Variants in EXO1 observed in about 807,000 individuals in gnomAD.
The protein encoded by EXO1 is exonuclease 1.
In EXO1, 69 loss-of-function variants were observed where a neutral mutation model predicts 84.5. That is an observed-to-expected ratio of 0.82 (90% CI 0.67 to 1.00). EXO1 has a LOEUF of 1.00. Ranked by LOEUF, EXO1 falls within the 50% of genes least tolerant of loss-of-function variation. The pLI is 0.00. For synonymous variants in EXO1, 373 were observed against 366.1 expected, an observed-to-expected ratio of 1.02 and a Z score of -0.21; for missense variants, 1,045 against 1,000.7, an observed-to-expected ratio of 1.04 and a Z score of -0.60.
intron 9 of EXO1, 74 bp from the exon 10 acceptor site, chr1:241,861,332 A>G (rs1023799244): frequency 1.2e-6 from 1 of 817,860 alleles, no homozygotes; most frequent in African/African-American, 1.7e-5. Flanking sequence ...AATAGAAAAC[A>G]TTTTTCCATC....
chr1:241,874,656 T>C (rs1662289489), intron 12 of EXO1, among the ~76,000 whole-genome samples: 1 of 152,212 alleles, frequency 6.6e-6, no homozygotes, highest in Non-Finnish European at 1.5e-5. Flanking sequence ...GTTGTGTTCA[T>C]TGTGAGATGT....
At chr1:241,858,333 T>C (rs1213646433) in intron 7 of EXO1, among the ~76,000 whole-genome samples, 173 bp from the exon 8 acceptor site, 6 of 152,242 alleles carry the variant, frequency 3.9e-5, no homozygotes, top group Non-Finnish European at 7.3e-5. Flanking sequence ...TCATATCCTA[T>C]GCTTCAGCAT....
intron 15 of EXO1, among the ~76,000 whole-genome samples, chr1:241,885,965 T>C (rs1170022868): frequency 1.3e-5 from 2 of 152,080 alleles, no homozygotes; most frequent in Non-Finnish European, 2.9e-5. Flanking sequence ...GCAATTCTTC[T>C]GCCTCAGCCT....
rs1206665697 is a variant in EXO1 at position 241,850,564 on chromosome 1, G to A, written c.139G>A (p.Ala47Thr). Residue 47 changes from alanine (A) to threonine (T), a missense_variant, in exon 4 of 16, where the codon GCC becomes ACC. Transcript: ENST00000366548. ...AGCTATTGCTTGTGCTGAAAAACTA[G>A]CCAAAGGTGAACCTACTGATAGGTA... is the stretch of plus-strand genomic sequence containing the variant. ...KGAIACAEKL[A>T]KGEPTDRYVG... 2 of 1,613,910 alleles carry A rather than the reference G, an allele frequency of 1.2e-6. No individual in the cohort carries two copies. Among genetic ancestry groups the A allele is most frequent in the Non-Finnish European group, 1.7e-6 (2 of 1,179,930 alleles).
chr1:241,879,029 C>T lies in EXO1; in HGVS notation c.1795C>T (p.Pro599Ser). 6.2e-7 allele frequency: 1 copy of T among 1,614,190 alleles called. No homozygotes were observed. The highest frequency in any genetic ancestry group is 8.5e-7 in the Non-Finnish European group (1 of 1,180,036). The part of the protein sequence containing the change: ...ESSKFTRTIS[P>S]PTLGTLRSCF... ...CAGCAAATTTACAAGGACCATTTCA[C>T]CACCCACTTTGGGAACACTAAGAAG... The change falls in exon 13 of 16, where the codon CCA becomes TCA. Residue 599 changes from proline (P) to serine (S), a missense_variant. Coordinates refer to ENST00000366548, the MANE Select transcript of EXO1 (RefSeq NM_130398.4).
chr1:241,855,153 A>T (rs185804220), intron 6 of EXO1, among the ~76,000 whole-genome samples: 1 of 152,306 alleles, frequency 6.6e-6, no homozygotes, highest in East Asian at 1.9e-4. Context: ...TGGGGCAGCC[A>T]GCTTTTATTC....
Position 241,850,198 on chromosome 1 carries a change from G to A in EXO1, c.-17-211G>A, listed in dbSNP as rs550648746. ...GGGAAGGCTGAGGCAGGAGAATGGC[G>A]TGAACCCGGGAGGCGGAGCTTGCAG... On this transcript the variant is annotated intron_variant, in intron 3 of 15. Coordinates refer to ENST00000366548, the MANE Select transcript of EXO1 (RefSeq NM_130398.4). Among the ~76,000 whole-genome samples the A allele has an allele frequency of 7.2e-4, 110 of 151,904 alleles. 3 individuals carry two copies. In the South Asian group the frequency reaches 0.021, roughly 29 times the overall value.
intron 5 of EXO1, among the ~76,000 whole-genome samples, chr1:241,852,696 G>A (rs968686100): frequency 5.3e-5 from 8 of 152,156 alleles, no homozygotes; most frequent in East Asian, 1.9e-4. Flanking sequence ...TCACTCTGTC[G>A]CCCAGTCTAG....
At chr1:241,875,250 C>T (rs902728885) in intron 12 of EXO1, among the ~76,000 whole-genome samples, 1 of 152,138 alleles carries the variant, frequency 6.6e-6, no homozygotes, top group East Asian at 1.9e-4. Context: ...GTGGTCCATA[C>T]ACCTTGTCCT....
chr1:241,882,732 C>A (rs1390801963), intron 14 of EXO1, among the ~76,000 whole-genome samples: 1 of 152,038 alleles, frequency 6.6e-6, no homozygotes, highest in Non-Finnish European at 1.5e-5. Flanking sequence ...GTATGTTTAA[C>A]CTCATTAGTA....
chr1:241,870,687 C>A (rs1662033872), intron 11 of EXO1, among the ~76,000 whole-genome samples: 1 of 152,178 alleles, frequency 6.6e-6, no homozygotes. Context: ...ATTCCTCTTA[C>A]AATAATCTTA....
In EXO1 at chr1:241,852,333, C is replaced by T; in HGVS notation, c.203C>T (p.Ser68Phe). ...FCMKFVNMLL[S>F]HGIKPILVFD... is the part of the protein sequence containing the mutation. ...ATGAAATTTGTAAATATGTTACTATCTCATGGGATCAAGCCTATTCTCGTA... is the reference window on the plus strand; with the variant it reads ...ATGAAATTTGTAAATATGTTACTATTTCATGGGATCAAGCCTATTCTCGTA... Residue 68 changes from serine to phenylalanine, a missense_variant, in exon 5 of 16, where the codon TCT becomes TTT. Coordinates refer to ENST00000366548, the MANE Select transcript of EXO1 (RefSeq NM_130398.4). The T allele has an allele frequency of 1.3e-6, 2 of 1,592,534 alleles. No individual in the cohort carries two copies. The highest frequency in any genetic ancestry group is 8.6e-7 in the Non-Finnish European group (1 of 1,160,994).
At chr1:241,877,022 T>TGCAA (rs1662443243) in intron 12 of EXO1, among the ~76,000 whole-genome samples, 1 of 152,240 alleles carries the variant, frequency 6.6e-6, no homozygotes, top group African/African-American at 2.4e-5. Context: ...TTAATATATG[T>TGCAA]GCAAGCATTC....
chr1:241,858,140 A>G (rs1463004543), intron 7 of EXO1, among the ~76,000 whole-genome samples: 1 of 152,256 alleles, frequency 6.6e-6, no homozygotes, highest in African/African-American at 2.4e-5. Flanking sequence ...TTGCTTCAAT[A>G]ATAAGGAAAA....
At chr1:241,864,219 G>A (rs1324616450) in intron 10 of EXO1, among the ~76,000 whole-genome samples, 1 of 152,146 alleles carries the variant, frequency 6.6e-6, no homozygotes, top group African/African-American at 2.4e-5. Context: ...CATTGGATTT[G>A]ATTTGTGAAT....
chr1:241,884,676 T>C (rs58170982), intron 14 of EXO1, among the ~76,000 whole-genome samples: 3,405 of 141,636 alleles, frequency 0.024, 83 homozygotes, highest in East Asian at 0.14. Context: ...TGTGTGTGTG[T>C]GCACGTGCAC....
At chr1:241,884,886 G>T (rs532345472) in intron 14 of EXO1, among the ~76,000 whole-genome samples, 1 of 152,248 alleles carries the variant, frequency 6.6e-6, no homozygotes, top group East Asian at 1.9e-4. Flanking sequence ...TTTTACCATT[G>T]CTCATGGGTT....
At chr1:241,853,821 C>T (rs747618719) in intron 6 of EXO1, among the ~76,000 whole-genome samples, 5 of 151,902 alleles carry the variant, frequency 3.3e-5, no homozygotes, top group Non-Finnish European at 5.9e-5. Context: ...GAGACCATCC[C>T]GGGTAACATA....
In EXO1 at chr1:241,882,034, A is replaced by AT. The variant is rs750128852; in HGVS notation, c.2211+27dup. The AT allele has an allele frequency of 1.9e-3, 2,376 of 1,220,670 alleles. 1 individual carries two copies. Among genetic ancestry groups the AT allele is most frequent in the Non-Finnish European group, 2.2e-3 (1,885 of 839,642 alleles). The allele number at this position is 1,220,670 out of a possible 1,614,324, so 75.6% of individuals were successfully genotyped here. A position where few individuals can be genotyped will look rare whatever the true frequency, so the allele number is the denominator to read the frequency against. On this transcript the variant is annotated intron_variant, in intron 14 of 15. Coordinates refer to ENST00000366548, the MANE Select transcript of EXO1 (RefSeq NM_130398.4). ...AGGAACAAGGTAAAACATTTATTTA[A>AT]TTTTTTTTTTAATTTCAGAAGCGGT...
Sources: gnomAD v4.1 joint callset for allele counts (sites outside exome capture counted in the v4.1 genomes callset) on GRCh38, gnomAD v4.1.1 for gene constraint, MANE v1.5 for transcripts, NCBI Gene and HGNC (gene_info 2026-07-23, HGNC 2026-07-21) for gene names.